Variants in GNG2 observed in about 807,000 individuals in gnomAD.
GNG2 encodes the protein G protein subunit gamma 2, also known as guanine nucleotide-binding protein G(I)/G(S)/G(O) subunit gamma-2.
GNG2 carries 5 observed loss-of-function variants against 5.5 expected under a neutral mutation model. The observed-to-expected ratio is 0.91, with a 90% CI of 0.48 to 1.92. The LOEUF is 1.92. Ranked by LOEUF, GNG2 falls within the 30% of genes most tolerant of loss-of-function variation. GNG2 has a pLI of 0.01. For missense variants in GNG2, 55 were observed against 88.4 expected (o/e 0.62, Z 1.52); for synonymous variants, 28 against 32.0 (o/e 0.88, Z 0.42).
At chr14:51,870,858 C>T (rs545401572) in intron 1 of GNG2, among the ~76,000 whole-genome samples, 20 of 152,192 alleles carry the variant, frequency 1.3e-4, no homozygotes, top group Non-Finnish European at 2.6e-4. Context: ...GCTGTTATTA[C>T]AGTGTTTTGA....
chr14:51,963,209 T>A (rs1390716180), intron 3 of GNG2, among the ~76,000 whole-genome samples: 1 of 152,182 alleles, frequency 6.6e-6, no homozygotes, highest in African/African-American at 2.4e-5. Context: ...ACACATAATA[T>A]ATTTTAAGAA....
intron 2 of GNG2, among the ~76,000 whole-genome samples, chr14:51,883,441 G>A (rs74763730): frequency 0.031 from 4,710 of 152,224 alleles, 295 homozygotes; most frequent in East Asian, 0.24. Context: ...ATGCAAACCC[G>A]CAGCTGTAAA....
intron 2 of GNG2, among the ~76,000 whole-genome samples, chr14:51,880,074 A>G (rs1326210750): frequency 6.6e-6 from 1 of 152,228 alleles, no homozygotes; most frequent in Non-Finnish European, 1.5e-5. Flanking sequence ...AGGTCCAGGT[A>G]CTGAAGACTT....
chr14:51,944,826 C>T (rs1312792264), intron 2 of GNG2, among the ~76,000 whole-genome samples: 3 of 152,112 alleles, frequency 2.0e-5, no homozygotes, highest in African/African-American at 7.2e-5. Context: ...CTTCAAAGGA[C>T]AGTTCAACGG....
chr14:51,960,254 T>G (rs1889519845), intron 3 of GNG2, among the ~76,000 whole-genome samples: 1 of 151,828 alleles, frequency 6.6e-6, no homozygotes. Context: ...CTAATCTTTC[T>G]TCTACAGTGG....
intron 2 of GNG2, chr14:51,917,621 A>C (rs1594913070): frequency 3.4e-6 from 1 of 292,614 alleles, no homozygotes; most frequent in East Asian, 9.6e-5. Flanking sequence ...TGAAAGTAAA[A>C]ATCAGACTTT....
chr14:51,936,449 T>G lies in GNG2; in HGVS notation c.-29-14201T>G, dbSNP rs533098983. Among the ~76,000 whole-genome samples the G allele has an allele frequency of 2.6e-5, 4 of 151,858 alleles. No homozygotes were observed. In the South Asian group the frequency reaches 8.3e-4, roughly 32 times the overall value. On this transcript the variant is annotated intron_variant, in intron 2 of 3. Coordinates refer to ENST00000556766, the MANE Select transcript of GNG2 (RefSeq NM_053064.5). The stretch of plus-strand genomic sequence containing the variant: ...GGCTAAATAGCTTCTTAAAATAGCT[T>G]CTGCAATCATGGTAGCTTAGGAACT...
chr14:51,941,503 T>C (rs930766845), intron 2 of GNG2, among the ~76,000 whole-genome samples: 1 of 152,234 alleles, frequency 6.6e-6, no homozygotes, highest in Admixed American at 6.5e-5. Context: ...AACACAGTCC[T>C]GAGAAACATA....
chr14:51,826,303 C>T (rs1881028350), intron 1 of GNG2: 2 of 152,050 alleles, frequency 1.3e-5, no homozygotes, highest in Non-Finnish European at 1.5e-5. Flanking sequence ...TAAATGACAA[C>T]AATTTTAAAA....
intron 2 of GNG2, among the ~76,000 whole-genome samples, chr14:51,912,580 CT>C (rs1456596272): frequency 1.3e-5 from 2 of 152,198 alleles, no homozygotes; most frequent in African/African-American, 4.8e-5. Context: ...ACTTTCATTA[CT>C]GCTGGGCTTC....
At chr14:51,873,947 GGAGGTTA>G (rs1883472089) in intron 1 of GNG2, 1 of 152,176 alleles carries the variant, frequency 6.6e-6, no homozygotes, top group African/African-American at 2.4e-5. Flanking sequence ...AGGAGACCAG[GGAGGTTA>G]TGTGAGCTCT....
intron 3 of GNG2, among the ~76,000 whole-genome samples, chr14:51,955,696 A>C (rs183094392): frequency 3.9e-5 from 6 of 152,352 alleles, no homozygotes; most frequent in Admixed American, 2.0e-4. Flanking sequence ...GTCAAATTAA[A>C]TATTTTTTAA....
In GNG2 at chr14:51,893,307, T is replaced by C. The variant is rs868243951; in HGVS notation, c.-30+15650T>C. Among the ~76,000 whole-genome samples, 3 of 152,342 alleles carry C rather than the reference T, an allele frequency of 2.0e-5. No individual in the cohort carries two copies. In the South Asian group the frequency reaches 6.2e-4, roughly 32 times the overall value. ...CACTCTAATGGGTGAGGAATGGTAT[T>C]CTATTTTAATTTGCATTCCCTTGAA... On this transcript the variant is annotated intron_variant, in intron 2 of 3. Coordinates refer to ENST00000556766, the MANE Select transcript of GNG2 (RefSeq NM_053064.5).
At chr14:51,888,228 G>A (rs575489346) in intron 2 of GNG2, among the ~76,000 whole-genome samples, 2 of 151,974 alleles carry the variant, frequency 1.3e-5, no homozygotes, top group South Asian at 4.2e-4. Context: ...TTTATTCTTG[G>A]GTAGTATTCT....
chr14:51,838,271 C>T (rs905750591), intron 2 of GNG2, among the ~76,000 whole-genome samples: 7 of 152,084 alleles, frequency 4.6e-5, no homozygotes, highest in African/African-American at 1.2e-4. Context: ...TGGTGAAACC[C>T]CATCTCTACT....
intron 2 of GNG2, among the ~76,000 whole-genome samples, chr14:51,928,191 G>A (rs1332421650): frequency 6.6e-5 from 10 of 151,672 alleles, no homozygotes; most frequent in Admixed American, 1.3e-4. Context: ...CACCACGCCC[G>A]GCTAATTTTT....
At chr14:51,950,038 C>G (rs549259319) in intron 2 of GNG2, among the ~76,000 whole-genome samples, 1 of 152,122 alleles carries the variant, frequency 6.6e-6, no homozygotes, top group South Asian at 2.1e-4. Context: ...CCATGCCCAG[C>G]CAAGAACTCT....
chr14:51,913,221 A>G (rs1886395116), intron 2 of GNG2: 1 of 152,206 alleles, frequency 6.6e-6, no homozygotes, highest in South Asian at 2.1e-4. Context: ...GAAGCATTAA[A>G]AAGTAGGCCG....
intron 2 of GNG2, 149 bp from the exon 3 acceptor site, chr14:51,950,501 C>A: frequency 1.8e-6 from 1 of 545,244 alleles, no homozygotes. Flanking sequence ...GCCTGCCAGT[C>A]AGAGGTAATA....
Sources: allele counts gnomAD v4.1 joint callset (sites outside exome capture counted in the v4.1 genomes callset), GRCh38; gene constraint gnomAD v4.1.1; transcripts MANE v1.5; gene names NCBI Gene and HGNC (gene_info 2026-07-23, HGNC 2026-07-21).